The following PCDH15 variants were observed in gnomAD, a reference collection of about 807,000 sequenced individuals.
PCDH15 encodes protocadherin-15.
In PCDH15, 129 loss-of-function variants were observed where a neutral mutation model predicts 178.5. That is an observed-to-expected ratio of 0.72 (90% confidence interval 0.63 to 0.84). The LOEUF (loss-of-function observed/expected upper bound fraction) is 0.84, where lower values mean the gene tolerates loss of function less well. Among genes scored for constraint, PCDH15 ranks in the 40% least tolerant of loss-of-function variants. The pLI is 0.00. For missense variants in PCDH15, 2,230 were observed against 2,099.9 expected (o/e 1.06, Z -1.21); for synonymous variants, 800 against 732.0 (o/e 1.09, Z -1.50).
chr10:55,390,987 T>C (rs1440767965), intron 2 of PCDH15, among the ~76,000 whole-genome samples: 1 of 152,202 alleles, frequency 6.6e-6, no homozygotes, highest in Admixed American at 6.5e-5. Flanking sequence ...TCAACTTAGT[T>C]ACCAGCTGCA....
At chr10:54,764,237 T>C (rs1188104995) in intron 1 of PCDH15, among the ~76,000 whole-genome samples, 1 of 152,120 alleles carries the variant, frequency 6.6e-6, no homozygotes, top group Non-Finnish European at 1.5e-5. Flanking sequence ...ATAGAAATTT[T>C]GAGATTTGCT....
intron 2 of PCDH15, among the ~76,000 whole-genome samples, chr10:55,429,086 C>T (rs1028518929): frequency 6.6e-6 from 1 of 152,046 alleles, no homozygotes; most frequent in African/African-American, 2.4e-5. Flanking sequence ...ATTGTTATTA[C>T]TGTTACAAAC....
chr10:55,432,469 G>A (rs1339809878), intron 2 of PCDH15, among the ~76,000 whole-genome samples: 2 of 152,146 alleles, frequency 1.3e-5, no homozygotes, highest in South Asian at 2.1e-4. Flanking sequence ...TGGGTTATTG[G>A]AAGGCAAGGA....
chr10:55,504,490 A>G (rs1238755454), intron 2 of PCDH15, among the ~76,000 whole-genome samples: 1 of 151,422 alleles, frequency 6.6e-6, no homozygotes, highest in Non-Finnish European at 1.5e-5. Flanking sequence ...TTCTAAAGTT[A>G]AGACATTTAG....
chr10:54,530,380 T>C (rs967694240), intron 2 of PCDH15, among the ~76,000 whole-genome samples: 1 of 152,176 alleles, frequency 6.6e-6, no homozygotes, highest in Admixed American at 6.6e-5. Context: ...ATTCTCTGTA[T>C]TCCTGCAGTA....
At chr10:54,810,587 C>G (rs1952847066) in intron 3 of PCDH15, among the ~76,000 whole-genome samples, 2 of 151,890 alleles carry the variant, frequency 1.3e-5, no homozygotes, top group Non-Finnish European at 2.9e-5. Context: ...TTGATGGTAC[C>G]CCAAATCTTT....
At chr10:54,268,802 G>A (rs982672814) in intron 8 of PCDH15, among the ~76,000 whole-genome samples, 1 of 151,792 alleles carries the variant, frequency 6.6e-6, no homozygotes, top group Non-Finnish European at 1.5e-5. Context: ...GAACAATTTT[G>A]TCTGGTGGTT....
intron 21 of PCDH15, among the ~76,000 whole-genome samples, chr10:53,985,693 G>A (rs1328136386): frequency 6.6e-6 from 1 of 151,956 alleles, no homozygotes; most frequent in African/African-American, 2.4e-5. Flanking sequence ...CAGAGGCATA[G>A]CACCTTCCTG....
At chr10:55,598,513 A>AATATACAT (rs1842982682) in intron 2 of PCDH15, among the ~76,000 whole-genome samples, 1 of 83,390 alleles carries the variant, frequency 1.2e-5, no homozygotes, top group African/African-American at 3.7e-5. Flanking sequence ...AGCAAACCCT[A>AATATACAT]ATATATATAT....
intron 1 of PCDH15, among the ~76,000 whole-genome samples, chr10:54,680,389 T>G (rs2094876930): frequency 6.6e-6 from 1 of 152,190 alleles, no homozygotes; most frequent in Non-Finnish European, 1.5e-5. Context: ...AATATAATGA[T>G]CAGGCATATT....
intron 26 of PCDH15, among the ~76,000 whole-genome samples, chr10:53,884,442 T>C (rs751592494): frequency 6.6e-6 from 1 of 152,168 alleles, no homozygotes; most frequent in Non-Finnish European, 1.5e-5. Flanking sequence ...AATCACACAG[T>C]TGGTGAGCAG....
chr10:54,509,571 C>A (rs980485206), intron 3 of PCDH15, among the ~76,000 whole-genome samples: 2 of 152,144 alleles, frequency 1.3e-5, no homozygotes, highest in Non-Finnish European at 2.9e-5. Context: ...TGTGTCTCTG[C>A]CTGTCAGTTC....
At chr10:55,487,619 G>A (rs546304028) in intron 2 of PCDH15, among the ~76,000 whole-genome samples, 1 of 151,674 alleles carries the variant, frequency 6.6e-6, no homozygotes, top group South Asian at 2.1e-4. Flanking sequence ...AAATCCAGCT[G>A]TCATTCCACT....
intron 1 of PCDH15, among the ~76,000 whole-genome samples, chr10:55,239,258 T>A (rs1457425940): frequency 1.3e-5 from 2 of 152,176 alleles, no homozygotes; most frequent in Non-Finnish European, 2.9e-5. Flanking sequence ...TCTTTATCTG[T>A]TCAACCATTG....
chr10:55,520,182 G>A (rs1466578744), intron 2 of PCDH15, among the ~76,000 whole-genome samples: 27 of 54,452 alleles, frequency 5.0e-4, no homozygotes, highest in African/African-American at 2.2e-3. Context: ...TACACGCAAT[G>A]TGTATATATA....
At chr10:54,375,766 C>CATAT (rs373857140) in intron 4 of PCDH15, among the ~76,000 whole-genome samples, 1,749 of 110,714 alleles carry the variant, frequency 0.016, 56 homozygotes, top group African/African-American at 0.057. Flanking sequence ...ATATTCAGAG[C>CATAT]ATATATATAT....
At chr10:54,696,586 A>T (rs2095228565) in intron 1 of PCDH15, among the ~76,000 whole-genome samples, 1 of 152,104 alleles carries the variant, frequency 6.6e-6, no homozygotes, top group African/African-American at 2.4e-5. Flanking sequence ...ATCTATGGGG[A>T]AATCTTTCAT....
At chr10:54,469,974 T>A (rs995059272) in intron 3 of PCDH15, among the ~76,000 whole-genome samples, 39 of 152,082 alleles carry the variant, frequency 2.6e-4, no homozygotes, top group Non-Finnish European at 4.9e-4. Flanking sequence ...GCTAATAGTG[T>A]AGGTGGGGCA....
chr10:54,089,938 A>C (rs1220712581), intron 16 of PCDH15, 46 bp downstream of exon 16: 1 of 1,401,082 alleles, frequency 7.1e-7, no homozygotes, highest in Admixed American at 1.7e-5. Context: ...TACTAACAGT[A>C]CGTTGCTGTA....
Sources: gnomAD v4.1 joint callset for allele counts (sites outside exome capture counted in the v4.1 genomes callset) on GRCh38, gnomAD v4.1.1 for gene constraint, MANE v1.5 for transcripts, NCBI Gene and HGNC (gene_info 2026-07-23, HGNC 2026-07-21) for gene names.